The following ADAMTS17 variants were observed in gnomAD, a reference collection of about 807,000 sequenced individuals.
The protein encoded by ADAMTS17 is A disintegrin and metalloproteinase with thrombospondin motifs 17.
ADAMTS17 carries 113 observed loss-of-function variants against 141.5 expected under a neutral mutation model. That is an observed-to-expected ratio of 0.80 (90% CI 0.69 to 0.93). The LOEUF (loss-of-function observed/expected upper bound fraction) is 0.93, where lower values mean the gene tolerates loss of function less well. Ranked by LOEUF, ADAMTS17 falls within the 40% of genes least tolerant of loss-of-function variation. The pLI, the probability that ADAMTS17 is intolerant of heterozygous loss-of-function variation, is 0.00. For synonymous variants in ADAMTS17, 768 were observed against 630.6 expected (o/e 1.22, Z -3.27); for missense variants, 1,659 against 1,517.9 (o/e 1.09, Z -1.54).
At chr15:99,978,032 C>T (rs563949743) in intron 20 of ADAMTS17, among the ~76,000 whole-genome samples, 287 of 152,276 alleles carry the variant, frequency 1.9e-3, no homozygotes, top group African/African-American at 6.1e-3. Flanking sequence ...AGGGTTTGGG[C>T]GCAGCCTTGT....
At chr15:100,045,226 T>C (rs538150606) in intron 18 of ADAMTS17, among the ~76,000 whole-genome samples, 1 of 152,292 alleles carries the variant, frequency 6.6e-6, no homozygotes, top group South Asian at 2.1e-4. Flanking sequence ...ATAATCAAAG[T>C]AATCACGTTA....
chr15:100,072,206 G>A (rs1313439571), intron 15 of ADAMTS17, among the ~76,000 whole-genome samples: 1 of 148,472 alleles, frequency 6.7e-6, no homozygotes, highest in African/African-American at 2.5e-5. Flanking sequence ...CAAGGGATGT[G>A]AAGGACCTCT....
At chr15:100,050,105 C>G (rs937320189) in intron 17 of ADAMTS17, among the ~76,000 whole-genome samples, 2 of 152,182 alleles carry the variant, frequency 1.3e-5, no homozygotes, top group African/African-American at 4.8e-5. Flanking sequence ...AACTCCACTG[C>G]CAGTTGCTGC....
At chr15:100,307,600 A>AC (rs2045267769) in intron 3 of ADAMTS17, among the ~76,000 whole-genome samples, 2 of 151,994 alleles carry the variant, frequency 1.3e-5, no homozygotes, top group Admixed American at 1.3e-4. Flanking sequence ...AGCAATGCAG[A>AC]CCTCCTGCCT....
intron 15 of ADAMTS17, among the ~76,000 whole-genome samples, chr15:100,081,659 T>A (rs956813338): frequency 2.6e-5 from 4 of 152,336 alleles, no homozygotes; most frequent in Admixed American, 1.3e-4. Flanking sequence ...TTAGTTGACC[T>A]TGGTTTAAAT....
In ADAMTS17 at chr15:99,972,332, A is replaced by AACCC. The variant is rs2060228674; in HGVS notation, c.*2069_*2070insGGGT. ...TTAGGGGAACTAATGGGGGTATCTG[A>AACCC]CAATAACCCAATCAATCCTTTTCAT... On this transcript the variant is annotated 3_prime_UTR_variant, in exon 22 of 22. Transcript: ENST00000268070. 1 of 152,222 alleles carries AACCC rather than the reference A, an allele frequency of 6.6e-6. No individual in the cohort carries two copies. Among genetic ancestry groups the AACCC allele is most frequent in the Non-Finnish European group, 1.5e-5 (1 of 68,058 alleles). 9.4% of individuals were successfully genotyped at this position (152,222 alleles called of 1,614,324 possible). A position where few individuals can be genotyped will look rare whatever the true frequency, so the allele number is the denominator to read the frequency against.
intron 7 of ADAMTS17, among the ~76,000 whole-genome samples, chr15:100,239,562 G>A (rs911929292): frequency 1.3e-5 from 2 of 152,214 alleles, no homozygotes; most frequent in Non-Finnish European, 2.9e-5. Flanking sequence ...TACCCTTTGT[G>A]GAAGCAATGA....
intron 20 of ADAMTS17, among the ~76,000 whole-genome samples, chr15:99,977,386 ATATATATATAT>A (rs2060377629): frequency 8.7e-5 from 1 of 11,476 alleles, no homozygotes; most frequent in African/African-American, 3.4e-4. Context: ...ATATATATAT[ATATATATATAT>A]ATAATTTTTT....
At chr15:100,263,761 C>T (rs375041737) in intron 4 of ADAMTS17, among the ~76,000 whole-genome samples, 1 of 152,356 alleles carries the variant, frequency 6.6e-6, no homozygotes. Context: ...AAATATTCTA[C>T]TTGGTTTTTA....
intron 7 of ADAMTS17, among the ~76,000 whole-genome samples, chr15:100,233,769 G>C (rs991578997): frequency 6.6e-6 from 1 of 152,054 alleles, no homozygotes; most frequent in East Asian, 1.9e-4. Context: ...ATGTCAGGGG[G>C]AGAGTGTGCC....
At chr15:100,213,933 A>G (rs925015704) in intron 7 of ADAMTS17, among the ~76,000 whole-genome samples, 2 of 152,240 alleles carry the variant, frequency 1.3e-5, no homozygotes, top group Non-Finnish European at 2.9e-5. Context: ...GTTTTGTTCC[A>G]TGGTAGCTCT....
Position 100,341,951 on chromosome 15 carries a change from G to T in ADAMTS17, c.-52C>A. ...GACCGTGGCGGCGAAGCAGGAGCGC[G>T]CTAGGCGGCGGCGCCAGCCGGAGTG... On this transcript the variant is annotated 5_prime_UTR_variant, in exon 1 of 22. Coordinates refer to ENST00000268070, the MANE Select transcript of ADAMTS17 (RefSeq NM_139057.4). 1 of 1,542,714 alleles carries T rather than the reference G, an allele frequency of 6.5e-7. No homozygotes were observed. The highest frequency in any genetic ancestry group is 8.8e-7 in the Non-Finnish European group (1 of 1,142,542).
At chr15:100,199,823 G>A (rs949608073) in intron 7 of ADAMTS17, among the ~76,000 whole-genome samples, 7 of 152,198 alleles carry the variant, frequency 4.6e-5, no homozygotes, top group African/African-American at 1.7e-4. Flanking sequence ...GGGACCAGGT[G>A]AGCCAGCCAG....
chr15:100,320,736 G>T (rs1490214712), intron 3 of ADAMTS17, among the ~76,000 whole-genome samples: 2 of 152,166 alleles, frequency 1.3e-5, no homozygotes, highest in Non-Finnish European at 2.9e-5. Context: ...GAAAGGTTAA[G>T]GTAGGAGGAT....
At chr15:100,317,610 C>A (rs1387357411) in intron 3 of ADAMTS17, among the ~76,000 whole-genome samples, 3 of 152,130 alleles carry the variant, frequency 2.0e-5, no homozygotes, top group South Asian at 4.1e-4. Flanking sequence ...AAACACCATG[C>A]GAGGTGTGTG....
intron 4 of ADAMTS17, among the ~76,000 whole-genome samples, chr15:100,269,199 T>G (rs1270631712): frequency 6.6e-6 from 1 of 152,208 alleles, no homozygotes; most frequent in African/African-American, 2.4e-5. Context: ...CGGAAATACC[T>G]TTCTGGACAG....
intron 8 of ADAMTS17, among the ~76,000 whole-genome samples, chr15:100,158,630 T>C (rs2039548265): frequency 6.6e-6 from 1 of 152,214 alleles, no homozygotes; most frequent in Non-Finnish European, 1.5e-5. Flanking sequence ...AGCCCACTCT[T>C]TGATTCTATG....
At chr15:100,159,438 T>C (rs550019119) in intron 8 of ADAMTS17, among the ~76,000 whole-genome samples, 2 of 152,370 alleles carry the variant, frequency 1.3e-5, no homozygotes, top group South Asian at 2.1e-4. Context: ...TTTTCAAGTA[T>C]GCTTAGCAAA....
At chr15:100,149,920 A>G (rs540780291) in intron 10 of ADAMTS17, among the ~76,000 whole-genome samples, 1 of 152,384 alleles carries the variant, frequency 6.6e-6, no homozygotes, top group Admixed American at 6.5e-5. Context: ...TCCTCTAAAG[A>G]AAGTGTCACT....
Sources: gnomAD v4.1 joint callset for allele counts (sites outside exome capture counted in the v4.1 genomes callset) on GRCh38, gnomAD v4.1.1 for gene constraint, MANE v1.5 for transcripts, NCBI Gene and HGNC (gene_info 2026-07-23, HGNC 2026-07-21) for gene names.